CDC42BPB: variants seen among roughly 807,000 people sequenced by gnomAD.
CDC42BPB encodes serine/threonine-protein kinase MRCK beta.
In CDC42BPB, 37 loss-of-function variants were observed where a neutral mutation model predicts 214.9. The observed-to-expected ratio is 0.17, with a 90% CI of 0.13 to 0.23. The LOEUF (loss-of-function observed/expected upper bound fraction) is 0.23. Among genes scored for constraint, CDC42BPB ranks in the 10% least tolerant of loss-of-function variants. The pLI, the probability that CDC42BPB is intolerant of heterozygous loss-of-function variation, is 1.00. For missense variants in CDC42BPB, 1,694 were observed against 2,227.0 expected, an observed-to-expected ratio of 0.76 and a Z score of 4.82; for synonymous variants, 931 against 884.0, an observed-to-expected ratio of 1.05 and a Z score of -0.94.
chr14:103,053,897 G>C (rs1888796977), intron 1 of CDC42BPB, among the ~76,000 whole-genome samples: 1 of 152,026 alleles, frequency 6.6e-6, no homozygotes, highest in Admixed American at 6.6e-5. Context: ...CTGGAGTGTA[G>C]TGGCATGATC....
chr14:102,998,358 A>G (rs2301125), intron 5 of CDC42BPB, among the ~76,000 whole-genome samples: 64,898 of 152,092 alleles, frequency 0.43, 14,664 homozygotes, highest in African/African-American at 0.56. Flanking sequence ...AATTTTACAA[A>G]TTTACAATAG....
At chr14:102,992,296 T>G (rs1017633094) in intron 5 of CDC42BPB, among the ~76,000 whole-genome samples, 7 of 152,306 alleles carry the variant, frequency 4.6e-5, no homozygotes, top group East Asian at 1.9e-4. Context: ...AAATGGACTT[T>G]AAAGTTACAA....
chr14:103,018,746 TGAAGA>T lies in CDC42BPB; in HGVS notation c.176-6563_176-6559del, dbSNP rs1164858932. On this transcript the variant is annotated intron_variant, in intron 1 of 36. Coordinates refer to ENST00000361246, the MANE Select transcript of CDC42BPB (RefSeq NM_006035.4). ...TAGTTAGTGCTACAGTCTGAAATCG[TGAAGA>T]GACCATCTCAAAAAATTGATTTTTC... Among the ~76,000 whole-genome samples the T allele has an allele frequency of 4.6e-5, 7 of 152,318 alleles. No homozygotes were observed. The South Asian group carries it at 6.2e-4, about 14-fold the overall frequency.
At chr14:102,946,765 C>T in intron 27 of CDC42BPB, 81 bp from the exon 28 acceptor site, 1 of 1,548,442 alleles carries the variant, frequency 6.5e-7, no homozygotes, top group South Asian at 1.2e-5. Flanking sequence ...CTGCTGGAGC[C>T]ACGCACCCCA....
rs183984847 is a variant in CDC42BPB at position 102,996,167 on chromosome 14, A to G, written c.596+3398T>C. Among the ~76,000 whole-genome samples the G allele has an allele frequency of 1.8e-3, 269 of 152,084 alleles. 2 individuals carry two copies. Among genetic ancestry groups the G allele is most frequent in the Middle Eastern group, 0.017 (5 of 292 alleles). On this transcript the variant is annotated intron_variant, in intron 5 of 36. Coordinates refer to ENST00000361246, the MANE Select transcript of CDC42BPB (RefSeq NM_006035.4). ...ATTCTGGCTAACACGGTGAAACCCCATCTCTACTAAAAATACAAAAAAATT... is the reference window on the plus strand; with the variant it reads ...ATTCTGGCTAACACGGTGAAACCCCGTCTCTACTAAAAATACAAAAAAATT...
intron 8 of CDC42BPB, among the ~76,000 whole-genome samples, chr14:102,978,776 T>C (rs1219193297): frequency 6.6e-6 from 1 of 152,054 alleles, no homozygotes; most frequent in Non-Finnish European, 1.5e-5. Context: ...GAGGCTGAGG[T>C]GGGTGGCTTG....
intron 7 of CDC42BPB, among the ~76,000 whole-genome samples, chr14:102,981,381 T>TA (rs1468808700): frequency 1.3e-5 from 2 of 152,162 alleles, no homozygotes; most frequent in African/African-American, 2.4e-5. Flanking sequence ...AAACTCACAC[T>TA]AAAAAAGCAG....
At chr14:103,036,949 T>C (rs1199751821) in intron 1 of CDC42BPB, among the ~76,000 whole-genome samples, 1 of 151,572 alleles carries the variant, frequency 6.6e-6, no homozygotes, top group African/African-American at 2.4e-5. Context: ...CCTGAGTAGC[T>C]AGGACACAGG....
In CDC42BPB at chr14:102,956,943, C is replaced by A. The variant is rs553375394; in HGVS notation, c.2902-2255G>T. ...CCTGTAATCCCAGCACTTTGGGAGG[C>A]TGAGGTGGGTGGATCACCTGAGGTC... On this transcript the variant is annotated intron_variant, in intron 21 of 36. Coordinates refer to ENST00000361246, the MANE Select transcript of CDC42BPB (RefSeq NM_006035.4). Among the ~76,000 whole-genome samples, 5 of 144,094 alleles carry A rather than the reference C, an allele frequency of 3.5e-5. No homozygotes were observed. The East Asian group carries it at 8.2e-4, about 24-fold the overall frequency. The allele number at this position is 144,094 out of a possible 152,430, so 94.5% of individuals were successfully genotyped here. A position where few individuals can be genotyped will look rare whatever the true frequency, so the allele number is the denominator to read the frequency against.
intron 9 of CDC42BPB, among the ~76,000 whole-genome samples, chr14:102,977,766 C>A (rs898334818): frequency 6.6e-6 from 1 of 152,012 alleles, no homozygotes; most frequent in Non-Finnish European, 1.5e-5. Flanking sequence ...GAAATCTCAC[C>A]CCCCTGGCCT....
chr14:102,946,757 G>A (rs1371365593), intron 27 of CDC42BPB, 73 bp from the exon 28 acceptor site: 1 of 1,565,122 alleles, frequency 6.4e-7, no homozygotes. Flanking sequence ...CCACGGCCCT[G>A]CTGGAGCCAC....
In CDC42BPB at chr14:102,975,764, C is replaced by G; in HGVS notation, c.1427G>C (p.Arg476Pro). 1 of 1,614,098 alleles carries G rather than the reference C, an allele frequency of 6.2e-7. No homozygotes were observed. The highest frequency in any genetic ancestry group is 1.1e-5 in the South Asian group (1 of 91,066). ...ATCTCGGTTTGAATTGCTGAGGGCC[C>G]GAGATGAGCCGTGGAGGGACTGCAC... Reference protein sequence around the residue: ...QTVQSLHGSSRALSNSNRDKE... With the variant: ...QTVQSLHGSSPALSNSNRDKE... Residue 476 changes from arginine (R) to proline (P), a missense_variant, in exon 11 of 37, where the codon CGG (arginine) becomes CCG (proline). Coordinates refer to ENST00000361246, the MANE Select transcript of CDC42BPB (RefSeq NM_006035.4).
intron 26 of CDC42BPB, chr14:102,948,087 C>T (rs1170076991): frequency 4.4e-6 from 2 of 449,890 alleles, no homozygotes; most frequent in Middle Eastern, 1.1e-3. Flanking sequence ...ACTCGGTTTG[C>T]ACTTGGCACA....
chr14:103,017,709 C>T (rs1365710206), intron 1 of CDC42BPB, among the ~76,000 whole-genome samples: 1 of 152,094 alleles, frequency 6.6e-6, no homozygotes, highest in East Asian at 1.9e-4. Context: ...GTGTCGAGGT[C>T]ATGAAAGTCA....
At chr14:103,042,864 G>C (rs781539937) in intron 1 of CDC42BPB, among the ~76,000 whole-genome samples, 2 of 152,100 alleles carry the variant, frequency 1.3e-5, no homozygotes, top group African/African-American at 2.4e-5. Context: ...AAACAACCTG[G>C]CAGTTCCTCA....
chr14:102,964,711 T>G, intron 18 of CDC42BPB, 61 bp from the exon 19 acceptor site: 1 of 1,513,654 alleles, frequency 6.6e-7, no homozygotes. Flanking sequence ...TAAACTAATG[T>G]TAACAAATAA....
At chr14:102,952,990 C>T (rs938474527) in intron 23 of CDC42BPB, among the ~76,000 whole-genome samples, 1 of 152,204 alleles carries the variant, frequency 6.6e-6, no homozygotes, top group African/African-American at 2.4e-5. Context: ...TGCACACAGG[C>T]CTTGCATGTG....
chr14:103,031,973 C>T (rs1887400788), intron 1 of CDC42BPB, among the ~76,000 whole-genome samples: 1 of 150,732 alleles, frequency 6.6e-6, no homozygotes, highest in African/African-American at 2.5e-5. Context: ...GACCTGCCTT[C>T]TATTATTATT....
chr14:102,999,454 G>C, intron 5 of CDC42BPB, 111 bp downstream of exon 5: 1 of 1,005,590 alleles, frequency 9.9e-7, no homozygotes, highest in South Asian at 1.5e-5. Context: ...AGCTCAAAGT[G>C]GGGACTCGCT....
Sources: gnomAD v4.1 joint callset for allele counts (sites outside exome capture counted in the v4.1 genomes callset) on GRCh38, gnomAD v4.1.1 for gene constraint, MANE v1.5 for transcripts, NCBI Gene and HGNC (gene_info 2026-07-23, HGNC 2026-07-21) for gene names.